The following CADPS2 variants were observed in gnomAD, a reference collection of about 807,000 sequenced individuals.
The protein encoded by CADPS2 is calcium dependent secretion activator 2, also known as calcium-dependent secretion activator 2.
In CADPS2, 93 loss-of-function variants were observed where a neutral mutation model predicts 172.5. The ratio of observed to expected loss-of-function variants is 0.54; its 90% confidence interval spans 0.46 to 0.64. The LOEUF (loss-of-function observed/expected upper bound fraction) is 0.64, where lower values mean the gene tolerates loss of function less well. CADPS2 is among the 30% of genes least tolerant of loss of function. CADPS2 has a pLI of 0.00. For missense variants in CADPS2, 1,420 were observed against 1,565.9 expected (o/e 0.91, Z 1.57); for synonymous variants, 546 against 555.2 (o/e 0.98, Z 0.23).
In CADPS2 at chr7:122,649,898, A is replaced by ATTTTTTTTTTTTTTTTTTTTTTTT. The variant is rs71531909; in HGVS notation, c.786+13315_786+13338dup. Among the ~76,000 whole-genome samples the ATTTTTTTTTTTTTTTTTTTTTTTT allele has an allele frequency of 3.7e-4, 19 of 52,020 alleles. 4 individuals are homozygous for ATTTTTTTTTTTTTTTTTTTTTTTT. Among genetic ancestry groups the ATTTTTTTTTTTTTTTTTTTTTTTT allele is most frequent in the Admixed American group, 6.3e-4 (2 of 3,154 alleles). 34.1% of individuals were successfully genotyped at this position (52,020 alleles called of 152,430 possible). A position where few individuals can be genotyped will look rare whatever the true frequency, so the allele number is the denominator to read the frequency against. ...TGACATTTTTCTTAAGTATTCAATG[A>ATTTTTTTTTTTTTTTTTTTTTTTT]TTTTTTTTTTTTTTTTTTTTTTTTT... On this transcript the variant is annotated intron_variant, in intron 3 of 29. Transcript: ENST00000449022.
chr7:122,875,884 C>T (rs1034039686), intron 1 of CADPS2, among the ~76,000 whole-genome samples: 24 of 152,180 alleles, frequency 1.6e-4, no homozygotes, highest in African/African-American at 5.1e-4. Flanking sequence ...GAGAACCACT[C>T]TCTCACGTCT....
At chr7:122,658,463 C>T in intron 3 of CADPS2, among the ~76,000 whole-genome samples, 1 of 152,098 alleles carries the variant, frequency 6.6e-6, no homozygotes, top group East Asian at 1.9e-4. Context: ...GCACTATTCA[C>T]AATAGCAAAG....
intron 3 of CADPS2, among the ~76,000 whole-genome samples, chr7:122,633,178 G>C (rs1342187870): frequency 1.3e-5 from 2 of 151,874 alleles, no homozygotes; most frequent in Non-Finnish European, 2.9e-5. Flanking sequence ...TGCCTATTTG[G>C]GCTTTTAGGT....
At position 122,379,462 on chromosome 7, in the gene CADPS2, A is replaced by T. The variant is rs1199020435; in HGVS notation, c.3313-20T>A. 2.0e-6 allele frequency: 3 copies of T among 1,535,304 alleles called. No homozygotes were observed. In the African/African-American group the frequency reaches 4.1e-5, roughly 21 times the overall value. On this transcript the variant is annotated intron_variant, in intron 24 of 29. Transcript: ENST00000449022. ...CTGTTGCTAGATATTAAAAGATAAA[A>T]ACTCATTAGTTGACATGGACACAAA...
Position 122,441,574 on chromosome 7 carries a change from A to G in CADPS2, c.2290T>C (p.Tyr764His). 3 of 1,529,254 alleles carry G rather than the reference A, an allele frequency of 2.0e-6. No homozygotes were observed. The highest frequency in any genetic ancestry group is 8.8e-7 in the Non-Finnish European group (1 of 1,137,696). 94.7% of individuals were successfully genotyped at this position (1,529,254 alleles called of 1,614,324 possible). Residue 764 changes from tyrosine (Y) to histidine (H), a missense_variant and splice_region_variant, in exon 16 of 30, where the codon TAC (tyrosine) becomes CAC (histidine). Transcript: ENST00000449022. ...TCAGGTCGTCCAAAGGGAAAACAGT[A>G]TCTTTAAAAACAAAAGAAAGAACAA... is the stretch of plus-strand genomic sequence containing the variant. ...LLENQISHFR[Y>H]CFPFGRPEGA...
At chr7:122,503,840 G>A (rs180927121) in intron 9 of CADPS2, among the ~76,000 whole-genome samples, 6 of 152,176 alleles carry the variant, frequency 3.9e-5, no homozygotes, top group Non-Finnish European at 7.3e-5. Context: ...CTCATAGAGT[G>A]AGAATGGAGG....
intron 1 of CADPS2, among the ~76,000 whole-genome samples, chr7:122,833,687 C>T (rs1162937607): frequency 2.0e-5 from 3 of 152,232 alleles, no homozygotes; most frequent in East Asian, 1.9e-4. Context: ...TGAGCCACCA[C>T]GCCTGGCCTT....
intron 2 of CADPS2, chr7:122,701,742 T>C (rs1458326698): frequency 1.4e-5 from 12 of 871,168 alleles, no homozygotes; most frequent in Non-Finnish European, 1.9e-5. Flanking sequence ...AAGCTGAAAT[T>C]TTCTCTCTAC....
At chr7:122,705,022 C>A (rs964847443) in intron 2 of CADPS2, among the ~76,000 whole-genome samples, 1 of 152,000 alleles carries the variant, frequency 6.6e-6, no homozygotes, top group East Asian at 1.9e-4. Context: ...CCAAAACTCT[C>A]CCAACCCCGA....
At chr7:122,697,600 C>A in intron 2 of CADPS2, 3 of 525,094 alleles carry the variant, frequency 5.7e-6, no homozygotes, top group Non-Finnish European at 9.9e-6. Flanking sequence ...TAGCAAAGGT[C>A]CAAAATTGCA....
intron 2 of CADPS2, among the ~76,000 whole-genome samples, chr7:122,706,435 T>C (rs918312050): frequency 7.0e-6 from 1 of 143,014 alleles, no homozygotes; most frequent in South Asian, 2.2e-4. Flanking sequence ...AAGGAATATA[T>C]ATATATGCTT....
intron 25 of CADPS2, among the ~76,000 whole-genome samples, chr7:122,362,690 G>A (rs2040319682): frequency 6.6e-6 from 1 of 152,082 alleles, no homozygotes; most frequent in Admixed American, 6.5e-5. Context: ...TTTTTCAATA[G>A]GAAAAGGGAA....
At chr7:122,327,970 T>C (rs2150765240) in intron 28 of CADPS2, among the ~76,000 whole-genome samples, 1 of 152,212 alleles carries the variant, frequency 6.6e-6, no homozygotes, top group South Asian at 2.1e-4. Flanking sequence ...TAAGAACGTA[T>C]ATTTTGGCTC....
chr7:122,863,891 G>A (rs1203378876), intron 1 of CADPS2, among the ~76,000 whole-genome samples: 8 of 152,244 alleles, frequency 5.3e-5, no homozygotes, highest in South Asian at 2.1e-4. Flanking sequence ...TTAGCTGGGC[G>A]TAGTGGCAGG....
intron 3 of CADPS2, among the ~76,000 whole-genome samples, chr7:122,647,755 C>A (rs1326368365): frequency 6.6e-6 from 1 of 151,948 alleles, no homozygotes; most frequent in Non-Finnish European, 1.5e-5. Flanking sequence ...TTAAAAAAAG[C>A]TTTATATGAA....
chr7:122,381,444 C>T (rs749968787), intron 24 of CADPS2, among the ~76,000 whole-genome samples: 2 of 152,054 alleles, frequency 1.3e-5, no homozygotes, highest in African/African-American at 2.4e-5. Flanking sequence ...ATGCCTTATC[C>T]CCAATGTTTT....
At chr7:122,428,452 C>CATATAT (rs35344551) in intron 17 of CADPS2, among the ~76,000 whole-genome samples, 4 of 144,468 alleles carry the variant, frequency 2.8e-5, no homozygotes, top group African/African-American at 5.1e-5. Flanking sequence ...TATATACACA[C>CATATAT]ATATATATAT....
At chr7:122,504,453 C>T (rs1392162154) in intron 9 of CADPS2, among the ~76,000 whole-genome samples, 1 of 152,196 alleles carries the variant, frequency 6.6e-6, no homozygotes, top group Non-Finnish European at 1.5e-5. Flanking sequence ...CTTCAAACCA[C>T]ATGCTTCCAC....
intron 1 of CADPS2, among the ~76,000 whole-genome samples, chr7:122,800,120 G>A (rs1188742115): frequency 6.6e-6 from 1 of 152,182 alleles, no homozygotes. Flanking sequence ...CTATCTACTA[G>A]CAAGTTCAGT....
Sources: allele counts gnomAD v4.1 joint callset (sites outside exome capture counted in the v4.1 genomes callset), GRCh38; gene constraint gnomAD v4.1.1; transcripts MANE v1.5; gene names NCBI Gene and HGNC (gene_info 2026-07-23, HGNC 2026-07-21).